DEFB104A: variants seen among roughly 807,000 people sequenced by gnomAD.
The protein encoded by DEFB104A is defensin beta 104A.
rs561687430 is a variant in DEFB104A, at chr8:7,836,924, C to G, written c.58+382C>G. Reference sequence around the variant, plus strand: ...ATTGTTGATTTTGTAGAATAAGATGCCTTCCCCCATCCTCCTCCTTCTGAA... The same window carrying G: ...ATTGTTGATTTTGTAGAATAAGATGGCTTCCCCCATCCTCCTCCTTCTGAA... On this transcript the variant is annotated intron_variant, in intron 1 of 1. Transcript: ENST00000314265. Among the ~76,000 whole-genome samples the G allele has an allele frequency of 4.2e-5, 6 of 142,716 alleles. 1 individual carries two copies. The South Asian group carries it at 7.3e-4, about 17-fold the overall frequency. 93.6% of individuals were successfully genotyped at this position (142,716 alleles called of 152,430 possible). A position where few individuals can be genotyped will look rare whatever the true frequency, so the allele number is the denominator to read the frequency against.
chr8:7,836,564 G>A, intron 1 of DEFB104A, 22 bp downstream of exon 1: 1 of 1,284,078 alleles, frequency 7.8e-7, no homozygotes, highest in Non-Finnish European at 1.1e-6. Flanking sequence ...CTCTCAGCTG[G>A]AAATATACAC....
chr8:7,838,770 C>A (rs1328942571), intron 1 of DEFB104A, among the ~76,000 whole-genome samples: 1 of 141,194 alleles, frequency 7.1e-6, no homozygotes, highest in Non-Finnish European at 1.6e-5. Context: ...ATGTATAAAA[C>A]CAAGCAAGCT....
intron 1 of DEFB104A, among the ~76,000 whole-genome samples, chr8:7,838,607 G>C (rs1333145853): frequency 6.8e-6 from 1 of 146,080 alleles, no homozygotes; most frequent in African/African-American, 2.5e-5. Flanking sequence ...TTGAACCCAA[G>C]AGGTGGAGGT....
At chr8:7,837,342 G>A (rs1458605778) in intron 1 of DEFB104A, among the ~76,000 whole-genome samples, 34 of 139,086 alleles carry the variant, frequency 2.4e-4, no homozygotes, top group African/African-American at 7.0e-4. Context: ...GTTTTGACTC[G>A]TAGAAGCCAT....
chr8:7,837,129 G>C (rs1411701568), intron 1 of DEFB104A, among the ~76,000 whole-genome samples: 1 of 140,726 alleles, frequency 7.1e-6, no homozygotes, highest in East Asian at 2.4e-4. Context: ...TTTAGACTGA[G>C]ATGTCAGCAA....
chr8:7,837,668 G>T (rs1213630529), intron 1 of DEFB104A, among the ~76,000 whole-genome samples: 1 of 143,678 alleles, frequency 7.0e-6, no homozygotes. Context: ...CTGGGTCAGG[G>T]ATCCCTCCAG....
In DEFB104A at chr8:7,836,654, A is replaced by G. The variant is rs1817656060; in HGVS notation, c.58+112A>G. ...CTGAAGGATGGAGTAACCTTCTTCA[A>G]TCTCAGCCTTTTTTCTCTTTGCTTT... On this transcript the variant is annotated intron_variant, in intron 1 of 1. Coordinates refer to ENST00000314265, the MANE Select transcript of DEFB104A (RefSeq NM_080389.3). 5.4e-6 allele frequency: 5 copies of G among 929,304 alleles called. No homozygotes were observed. In the African/African-American group the frequency reaches 5.4e-5, roughly 10 times the overall value. 57.6% of individuals were successfully genotyped at this position (929,304 alleles called of 1,614,324 possible).
At chr8:7,839,376 T>G (rs1224589597) in intron 1 of DEFB104A, among the ~76,000 whole-genome samples, 12 of 144,644 alleles carry the variant, frequency 8.3e-5, no homozygotes, top group African/African-American at 3.0e-4. Context: ...AACCTCCACA[T>G]ACTCCCTCAG....
At chr8:7,838,974 G>C (rs1445505912) in intron 1 of DEFB104A, among the ~76,000 whole-genome samples, 2 of 142,326 alleles carry the variant, frequency 1.4e-5, no homozygotes, top group Non-Finnish European at 3.2e-5. Context: ...GTCTACCCTG[G>C]AATGTATTTA....
At chr8:7,838,651 C>T (rs1201224638) in intron 1 of DEFB104A, among the ~76,000 whole-genome samples, 96 of 145,398 alleles carry the variant, frequency 6.6e-4, no homozygotes, top group African/African-American at 2.3e-3. Context: ...TTGCACTCTA[C>T]CCTAGGCGAC....
chr8:7,839,158 T>C, intron 1 of DEFB104A, among the ~76,000 whole-genome samples: 1 of 145,650 alleles, frequency 6.9e-6, no homozygotes, highest in East Asian at 2.0e-4. Flanking sequence ...TTCATTCCCA[T>C]CTCTAAATAG....
chr8:7,837,607 C>T, intron 1 of DEFB104A, among the ~76,000 whole-genome samples: 1 of 141,860 alleles, frequency 7.0e-6, no homozygotes, highest in Admixed American at 7.2e-5. Flanking sequence ...TATCAAAGAA[C>T]AGGTTTTCTT....
Position 7,838,704 on chromosome 8 carries a change from A to AC in DEFB104A, c.58+2162_58+2163insC, listed in dbSNP as rs1554583356. Among the ~76,000 whole-genome samples the AC allele has an allele frequency of 2.8e-4, 38 of 135,492 alleles. 2 individuals are homozygous for AC. In the South Asian group the frequency reaches 3.7e-3, roughly 13 times the overall value. 88.9% of individuals were successfully genotyped at this position (135,492 alleles called of 152,430 possible). On this transcript the variant is annotated intron_variant, in intron 1 of 1. Transcript: ENST00000314265. ...CAAAAAAAACCAAAAAAACAAACAA[A>AC]AAAAAAAACAAAGCAAATCTTACAC...
chr8:7,839,011 C>A (rs1174239174), intron 1 of DEFB104A, among the ~76,000 whole-genome samples: 1 of 142,890 alleles, frequency 7.0e-6, no homozygotes, highest in East Asian at 2.0e-4. Flanking sequence ...TATTACTCAG[C>A]CTTAGTGTAT....
rs1356802131 is a variant in DEFB104A at position 7,837,498 on chromosome 8, A to G, written c.58+956A>G. 5.0e-5 allele frequency among the ~76,000 whole-genome samples: 7 copies of G among 141,382 alleles called. No homozygotes were observed. The East Asian group carries it at 1.2e-3, about 24-fold the overall frequency. 92.8% of individuals were successfully genotyped at this position (141,382 alleles called of 152,430 possible). A position where few individuals can be genotyped will look rare whatever the true frequency, so the allele number is the denominator to read the frequency against. Reference sequence around the variant, plus strand: ...TTTCAGAGGGTACCTGTTTAGGTTAACTCTTCCTTTTTCTTTCTTCCCGTG... The same window carrying G: ...TTTCAGAGGGTACCTGTTTAGGTTAGCTCTTCCTTTTTCTTTCTTCCCGTG... On this transcript the variant is annotated intron_variant, in intron 1 of 1. Coordinates refer to ENST00000314265, the MANE Select transcript of DEFB104A (RefSeq NM_080389.3).
At chr8:7,837,321 C>T (rs1412580949) in intron 1 of DEFB104A, among the ~76,000 whole-genome samples, 10 of 137,554 alleles carry the variant, frequency 7.3e-5, no homozygotes, top group East Asian at 2.5e-4. Flanking sequence ...AGTGCTGGGA[C>T]GAAACCAATT....
chr8:7,837,217 C>A (rs570256801), intron 1 of DEFB104A, among the ~76,000 whole-genome samples: 1 of 138,722 alleles, frequency 7.2e-6, no homozygotes, highest in African/African-American at 2.7e-5. Context: ...TGAGAGAGCA[C>A]CTAATCTAAT....
At chr8:7,839,291 C>T (rs1817711376) in intron 1 of DEFB104A, among the ~76,000 whole-genome samples, 1 of 144,568 alleles carries the variant, frequency 6.9e-6, no homozygotes, top group South Asian at 2.2e-4. Context: ...GCATGCTGTC[C>T]TCTTTTTCCT....
intron 1 of DEFB104A, among the ~76,000 whole-genome samples, chr8:7,839,061 G>A (rs1817705445): frequency 7.0e-6 from 1 of 143,294 alleles, no homozygotes; most frequent in South Asian, 2.2e-4. Flanking sequence ...TACTGAGACT[G>A]TAAGACATAC....
Sources: allele counts gnomAD v4.1 joint callset (sites outside exome capture counted in the v4.1 genomes callset), GRCh38; gene constraint gnomAD v4.1.1; transcripts MANE v1.5; gene names NCBI Gene and HGNC (gene_info 2026-07-23, HGNC 2026-07-21).